The following TMEM255B variants were observed in gnomAD, a reference collection of about 807,000 sequenced individuals.
TMEM255B encodes the protein family with sequence similarity 70, member B.
TMEM255B carries 35 observed loss-of-function variants against 34.5 expected under a neutral mutation model. The ratio of observed to expected loss-of-function variants is 1.01; its 90% CI spans 0.77 to 1.34. TMEM255B has a LOEUF of 1.34. TMEM255B is among the 40% of genes most tolerant of loss of function. TMEM255B has a pLI of 0.00. For synonymous variants in TMEM255B, 206 were observed against 201.2 expected, an observed-to-expected ratio of 1.02 and a Z score of -0.20; for missense variants, 432 against 433.2, an observed-to-expected ratio of 1.00 and a Z score of 0.02.
At chr13:113,781,504 A>G (rs1447093000) in intron 3 of TMEM255B, among the ~76,000 whole-genome samples, 1 of 152,256 alleles carries the variant, frequency 6.6e-6, no homozygotes, top group African/African-American at 2.4e-5. Flanking sequence ...AGTCTTAAAT[A>G]CATGTAACAC....
At chr13:113,786,551 GTCAACATCA>G (rs2050747067) in intron 3 of TMEM255B, among the ~76,000 whole-genome samples, 4 of 139,432 alleles carry the variant, frequency 2.9e-5, no homozygotes, top group South Asian at 4.9e-4. Context: ...TGTCACCATC[GTCAACATCA>G]TCACCGTCAT....
At position 113,769,275 on chromosome 13, in the gene TMEM255B, G is replaced by T. The variant is rs1176777066; in HGVS notation, c.252+115G>T. The T allele has an allele frequency of 8.4e-7, 1 of 1,191,284 alleles. No homozygotes were observed. Among genetic ancestry groups the T allele is most frequent in the South Asian group, 1.3e-5 (1 of 78,952 alleles). The allele number at this position is 1,191,284 out of a possible 1,614,324, so 73.8% of individuals were successfully genotyped here. A position where few individuals can be genotyped will look rare whatever the true frequency, so the allele number is the denominator to read the frequency against. ...CCTCCCCAGCACACTGGTGTCTACA[G>T]GACCAGCTCTGAGGTTCCCGGGCTG... On this transcript the variant is annotated intron_variant, in intron 3 of 8. Transcript: ENST00000375353. The surrounding 1 kb of genome is among the most constrained non-coding windows in gnomAD (Gnocchi z 4.2).
At chr13:113,783,826 C>T (rs1185073901) in intron 3 of TMEM255B, among the ~76,000 whole-genome samples, 1 of 151,852 alleles carries the variant, frequency 6.6e-6, no homozygotes, top group Non-Finnish European at 1.5e-5. Flanking sequence ...AGAGGGGGTT[C>T]ATCTGCAGGG....
intron 1 of TMEM255B, among the ~76,000 whole-genome samples, chr13:113,764,553 C>G (rs1017593828): frequency 6.6e-6 from 1 of 152,170 alleles, no homozygotes; most frequent in Non-Finnish European, 1.5e-5. Flanking sequence ...AGGCTCTGCC[C>G]TCTGCCCGCT....
At position 113,801,930 on chromosome 13, in the gene TMEM255B, A is replaced by G. The variant is rs2051073557; in HGVS notation, c.669+118A>G. On this transcript the variant is annotated intron_variant, in intron 7 of 8. Transcript: ENST00000375353. ...CTTTACAGATGGGGCACTGAAGCCC[A>G]TGCGTCTGTCAGCAGGGTGTCAGGG... The G allele has an allele frequency of 8.4e-6, 10 of 1,196,438 alleles. No homozygotes were observed. In the Admixed American group the frequency reaches 8.6e-5, roughly 10 times the overall value. The allele number at this position is 1,196,438 out of a possible 1,614,324, so 74.1% of individuals were successfully genotyped here.
chr13:113,794,505 C>G (rs568340723), intron 3 of TMEM255B, among the ~76,000 whole-genome samples: 217 of 152,228 alleles, frequency 1.4e-3, no homozygotes, highest in African/African-American at 5.1e-3. Flanking sequence ...AGGGTCTGCT[C>G]TGCCCAGCGT....
intron 3 of TMEM255B, among the ~76,000 whole-genome samples, chr13:113,774,075 A>AC (rs544303689): frequency 6.6e-6 from 1 of 151,562 alleles, no homozygotes; most frequent in African/African-American, 2.4e-5. Flanking sequence ...ATCGCAATGA[A>AC]CCCTCCTTGC....
intron 1 of TMEM255B, chr13:113,761,399 G>T (rs2050306484): frequency 1.0e-6 from 1 of 984,024 alleles, no homozygotes; most frequent in Non-Finnish European, 1.2e-6. Context: ...TCCAGCTAAG[G>T]CTGGGGAAGG....
chr13:113,784,480 T>C (rs2050710182), intron 3 of TMEM255B, among the ~76,000 whole-genome samples: 1 of 151,010 alleles, frequency 6.6e-6, no homozygotes, highest in Non-Finnish European at 1.5e-5. Flanking sequence ...GCAAAGCGCC[T>C]CCCAGACTGG....
At chr13:113,760,633 C>G (rs1462572765) in intron 1 of TMEM255B, among the ~76,000 whole-genome samples, 1 of 125,726 alleles carries the variant, frequency 8.0e-6, no homozygotes, top group Non-Finnish European at 1.6e-5. Flanking sequence ...TATGGTCTTT[C>G]TGCTTTGGGG....
intron 3 of TMEM255B, among the ~76,000 whole-genome samples, chr13:113,777,362 A>G (rs957510840): frequency 2.6e-5 from 4 of 152,096 alleles, no homozygotes; most frequent in African/African-American, 7.2e-5. Flanking sequence ...CTTGCCAGCT[A>G]TGTGACCTGG....
intron 8 of TMEM255B, among the ~76,000 whole-genome samples, chr13:113,808,358 C>T (rs2051223986): frequency 6.6e-6 from 1 of 152,140 alleles, no homozygotes; most frequent in Non-Finnish European, 1.5e-5. Flanking sequence ...AGTTCCTGCC[C>T]CGTTACTAAG....
At chr13:113,801,557 C>T in intron 6 of TMEM255B, 96 bp from the exon 7 acceptor site, 6 of 1,401,636 alleles carry the variant, frequency 4.3e-6, no homozygotes, top group Non-Finnish European at 5.7e-6. Context: ...GATTTCCTCC[C>T]CCAGCCCTGC....
rs903320011 is a variant in TMEM255B at position 113,816,964 on chromosome 13, T to G, written c.*5061T>G. ...GCCCGGCTGTACATTTGCTTTATGC[T>G]TCCGTTGGCATTTAAAAATCTGATG... On this transcript the variant is annotated 3_prime_UTR_variant, in exon 9 of 9. Coordinates refer to ENST00000375353, the MANE Select transcript of TMEM255B (RefSeq NM_182614.4). The G allele has an allele frequency of 1.3e-5, 2 of 152,194 alleles. No individual in the cohort carries two copies. The highest frequency in any genetic ancestry group is 2.9e-5 in the Non-Finnish European group (2 of 68,044). 9.4% of individuals were successfully genotyped at this position (152,194 alleles called of 1,614,324 possible).
At chr13:113,790,210 G>A (rs183176959) in intron 3 of TMEM255B, among the ~76,000 whole-genome samples, 12 of 96,400 alleles carry the variant, frequency 1.2e-4, no homozygotes, top group South Asian at 4.8e-4. Flanking sequence ...AACTGACCGG[G>A]CATGTGGACA....
chr13:113,816,108 A>AAGCGTGTTCGC lies in TMEM255B; in HGVS notation c.*4213_*4214insCGCAGCGTGTT, dbSNP rs2051398876. The AAGCGTGTTCGC allele has an allele frequency of 5.8e-6, 1 of 172,234 alleles. No individual in the cohort carries two copies. The highest frequency in any genetic ancestry group is 2.6e-5 in the African/African-American group (1 of 39,182). 10.7% of individuals were successfully genotyped at this position (172,234 alleles called of 1,614,324 possible). On this transcript the variant is annotated 3_prime_UTR_variant, in exon 9 of 9. Coordinates refer to ENST00000375353, the MANE Select transcript of TMEM255B (RefSeq NM_182614.4). The stretch of plus-strand genomic sequence containing the variant: ...GGACACGGGTTCTTTTCGGGGAGGC[A>AAGCGTGTTCGC]AGCGTGTTTGCAGCGTGTTCTGGAT...
chr13:113,788,960 C>T (rs1467823117), intron 3 of TMEM255B, among the ~76,000 whole-genome samples: 2 of 152,086 alleles, frequency 1.3e-5, no homozygotes, highest in Non-Finnish European at 2.9e-5. Flanking sequence ...GCTCCTTAGA[C>T]CCACATGCCA....
At chr13:113,808,522 C>T (rs760527862) in intron 8 of TMEM255B, among the ~76,000 whole-genome samples, 18 of 151,334 alleles carry the variant, frequency 1.2e-4, no homozygotes, top group South Asian at 4.2e-4. Context: ...CTCCATGTTC[C>T]TGGGGGTTTA....
rs182393355 is a variant in TMEM255B, at chr13:113,766,483, A to G, written c.189+226A>G. On this transcript the variant is annotated intron_variant, in intron 2 of 8. Coordinates refer to ENST00000375353, the MANE Select transcript of TMEM255B (RefSeq NM_182614.4). ...AGAGGGGAATTGGGGTTGAGGTCCA[A>G]GTTGATCTCAAAATAGGGCCAGGTG... is the stretch of plus-strand genomic sequence containing the variant. 2.9e-3 allele frequency: 1,993 copies of G among 678,094 alleles called. 8 individuals are homozygous for G. Among genetic ancestry groups the G allele is most frequent in the Non-Finnish European group, 3.7e-3 (1,401 of 382,844 alleles). 42.0% of individuals were successfully genotyped at this position (678,094 alleles called of 1,614,324 possible).
Sources: gnomAD v4.1 joint callset for allele counts (sites outside exome capture counted in the v4.1 genomes callset) on GRCh38, gnomAD v4.1.1 for gene constraint, Gnocchi (gnomAD v3.1) non-coding constraint, MANE v1.5 for transcripts, NCBI Gene and HGNC (gene_info 2026-07-23, HGNC 2026-07-21) for gene names.